PCP4: variants seen among roughly 807,000 people sequenced by gnomAD.
The protein encoded by PCP4 is Purkinje cell protein 4.
PCP4 carries 8 observed loss-of-function variants against 10.0 expected under a neutral mutation model. The observed-to-expected ratio is 0.80, with a 90% CI of 0.47 to 1.45. The LOEUF (loss-of-function observed/expected upper bound fraction) is 1.45. Ranked by LOEUF, PCP4 falls within the 40% of genes most tolerant of loss-of-function variation. The pLI is 0.00. For synonymous variants in PCP4, 21 were observed against 23.0 expected (o/e 0.91, Z 0.24); for missense variants, 54 against 74.4 (o/e 0.73, Z 1.01).
chr21:39,879,871 C>T (rs1945924836), intron 1 of PCP4, among the ~76,000 whole-genome samples: 1 of 152,122 alleles, frequency 6.6e-6, no homozygotes, highest in Admixed American at 6.5e-5. Flanking sequence ...ATACGATGCC[C>T]CTTGTTAAAC....
intron 1 of PCP4, among the ~76,000 whole-genome samples, chr21:39,887,998 G>C (rs762358084): frequency 6.6e-6 from 1 of 152,182 alleles, no homozygotes; most frequent in Non-Finnish European, 1.5e-5. Flanking sequence ...ATGCGGATTC[G>C]TGTTTTTCCC....
intron 2 of PCP4, among the ~76,000 whole-genome samples, chr21:39,900,964 G>T (rs76056554): frequency 0.14 from 21,046 of 152,034 alleles, 1,654 homozygotes; most frequent in Middle Eastern, 0.23. Flanking sequence ...CACTACATGT[G>T]AATGTAAGTA....
chr21:39,890,359 T>C (rs1268628612), intron 1 of PCP4, among the ~76,000 whole-genome samples: 1 of 152,028 alleles, frequency 6.6e-6, no homozygotes, highest in East Asian at 1.9e-4. Flanking sequence ...TCGTTATCTA[T>C]TTATTTATTT....
chr21:39,890,733 A>G (rs2087426304), intron 1 of PCP4, among the ~76,000 whole-genome samples: 1 of 152,068 alleles, frequency 6.6e-6, no homozygotes, highest in South Asian at 2.1e-4. Flanking sequence ...ATATTGCGTT[A>G]ACATATGATT....
chr21:39,880,912 T>C (rs1233271969), intron 1 of PCP4, among the ~76,000 whole-genome samples: 1 of 152,224 alleles, frequency 6.6e-6, no homozygotes, highest in Non-Finnish European at 1.5e-5. Context: ...TCCTTCTGGA[T>C]TTCAGAGGAA....
chr21:39,885,675 C>T (rs2087397081), intron 1 of PCP4, among the ~76,000 whole-genome samples: 1 of 152,238 alleles, frequency 6.6e-6, no homozygotes. Context: ...CCCCTGTGCC[C>T]TGGGCATCCC....
At chr21:39,868,333 T>C (rs2087303907) in intron 1 of PCP4, among the ~76,000 whole-genome samples, 1 of 152,224 alleles carries the variant, frequency 6.6e-6, no homozygotes, top group Admixed American at 6.5e-5. Flanking sequence ...TCTTTTATCT[T>C]CTCTGTCTCT....
intron 1 of PCP4, among the ~76,000 whole-genome samples, chr21:39,873,656 G>A (rs570032350): frequency 1.3e-5 from 2 of 152,256 alleles, no homozygotes; most frequent in South Asian, 4.2e-4. Flanking sequence ...GAGGTGCAAT[G>A]TGAACAATGA....
intron 2 of PCP4, among the ~76,000 whole-genome samples, chr21:39,923,249 T>C (rs1177438176): frequency 2.0e-5 from 3 of 152,228 alleles, no homozygotes; most frequent in Non-Finnish European, 4.4e-5. Flanking sequence ...GGCGTCTCTC[T>C]GAACCAGAAC....
chr21:39,900,621 C>G (rs1256991633), intron 2 of PCP4, among the ~76,000 whole-genome samples: 1 of 152,036 alleles, frequency 6.6e-6, no homozygotes, highest in Non-Finnish European at 1.5e-5. Context: ...CACCCTCCCT[C>G]TAGCAACTTC....
intron 1 of PCP4, among the ~76,000 whole-genome samples, chr21:39,876,402 A>G (rs1261750076): frequency 1.3e-5 from 2 of 152,198 alleles, no homozygotes; most frequent in African/African-American, 4.8e-5. Context: ...TTTACTTAGC[A>G]TAATGTCTTC....
intron 1 of PCP4, among the ~76,000 whole-genome samples, chr21:39,892,963 C>T (rs191222950): frequency 3.9e-5 from 6 of 152,248 alleles, no homozygotes; most frequent in African/African-American, 9.6e-5. Flanking sequence ...CATATTCTTA[C>T]GTACTTGTCA....
At chr21:39,897,180 G>A (rs1298076752) in intron 1 of PCP4, among the ~76,000 whole-genome samples, 8 of 152,000 alleles carry the variant, frequency 5.3e-5, no homozygotes, top group South Asian at 2.1e-4. Context: ...ATGGGGTCAC[G>A]AGTTCGAGAC....
intron 1 of PCP4, among the ~76,000 whole-genome samples, chr21:39,880,130 GTATCTATATCTATATCTATATCTA>G (rs57501558): frequency 0.037 from 5,269 of 141,558 alleles, 353 homozygotes; most frequent in African/African-American, 0.13. Context: ...ATCTATATCT[GTATCTATATCTATATCTATATCTA>G]TATCTATATC....
intron 2 of PCP4, among the ~76,000 whole-genome samples, chr21:39,914,994 T>C (rs1343499389): frequency 2.6e-5 from 4 of 152,062 alleles, no homozygotes; most frequent in African/African-American, 9.7e-5. Context: ...TAGTGCAGAA[T>C]GAAGGGAGTG....
Position 39,925,344 on chromosome 21 carries a change from G to A in PCP4, c.62-3640G>A, listed in dbSNP as rs75361834. Among the ~76,000 whole-genome samples, 186 of 152,312 alleles carry A rather than the reference G, an allele frequency of 1.2e-3. 3 individuals are homozygous for A. In the East Asian group the frequency reaches 0.03, roughly 25 times the overall value. ...GGTTACCAAGGAGGGTACCGTGCTTGTTTAGTCCTCCAGATAAAGGCATGC... is the reference window on the plus strand; with the variant it reads ...GGTTACCAAGGAGGGTACCGTGCTTATTTAGTCCTCCAGATAAAGGCATGC... On this transcript the variant is annotated intron_variant, in intron 2 of 2. Coordinates refer to ENST00000328619, the MANE Select transcript of PCP4 (RefSeq NM_006198.3).
chr21:39,882,340 G>A (rs893012361), intron 1 of PCP4, among the ~76,000 whole-genome samples: 8 of 152,168 alleles, frequency 5.3e-5, no homozygotes, highest in Admixed American at 1.3e-4. Context: ...GACTGCTTAG[G>A]GACTGGCAGG....
intron 1 of PCP4, chr21:39,898,232 G>T: frequency 1.9e-6 from 1 of 536,222 alleles, no homozygotes; most frequent in Non-Finnish European, 3.4e-6. Flanking sequence ...GGTTTCTCTT[G>T]TTACTGGTGA....
At chr21:39,873,462 A>G (rs1287940253) in intron 1 of PCP4, among the ~76,000 whole-genome samples, 2 of 152,192 alleles carry the variant, frequency 1.3e-5, no homozygotes, top group Non-Finnish European at 2.9e-5. Context: ...TAGTAAATTT[A>G]TATTTGAAAT....
Sources: allele counts gnomAD v4.1 joint callset (sites outside exome capture counted in the v4.1 genomes callset), GRCh38; gene constraint gnomAD v4.1.1; transcripts MANE v1.5; gene names NCBI Gene and HGNC (gene_info 2026-07-23, HGNC 2026-07-21).